CFAP61: variants seen among roughly 807,000 people sequenced by gnomAD.
CFAP61 encodes cilia- and flagella-associated protein 61.
In CFAP61, 107 loss-of-function variants were observed where a neutral mutation model predicts 135.6. The observed-to-expected ratio is 0.79, with a 90% CI of 0.67 to 0.93. The LOEUF (loss-of-function observed/expected upper bound fraction) is 0.93. Ranked by LOEUF, CFAP61 falls within the 40% of genes least tolerant of loss-of-function variation. The pLI, the probability that CFAP61 is intolerant of heterozygous loss-of-function variation, is 0.00. For missense variants in CFAP61, 1,507 were observed against 1,556.2 expected (o/e 0.97, Z 0.53); for synonymous variants, 575 against 578.5 (o/e 0.99, Z 0.09).
At chr20:20,192,476 G>A (rs1357506805) in intron 15 of CFAP61, among the ~76,000 whole-genome samples, 1 of 152,046 alleles carries the variant, frequency 6.6e-6, no homozygotes, top group Admixed American at 6.5e-5. Context: ...AGGTGCCTCA[G>A]CAGGCTGATT....
chr20:20,134,983 A>G (rs2050810585), intron 8 of CFAP61, among the ~76,000 whole-genome samples: 1 of 149,092 alleles, frequency 6.7e-6, no homozygotes, highest in African/African-American at 2.5e-5. Flanking sequence ...TTTTTTTTTG[A>G]AAGGTCTTTG....
At chr20:20,172,786 A>G (rs2054318435) in intron 13 of CFAP61, among the ~76,000 whole-genome samples, 1 of 152,164 alleles carries the variant, frequency 6.6e-6, no homozygotes, top group Admixed American at 6.5e-5. Flanking sequence ...CCACTGACAT[A>G]TCATTATCAC....
At position 20,251,670 on chromosome 20, in the gene CFAP61, C is replaced by T. The variant is rs370294355; in HGVS notation, c.2235C>T (p.Thr745=). 2.2e-5 allele frequency: 35 copies of T among 1,614,066 alleles called. No homozygotes were observed. The highest frequency in any genetic ancestry group is 6.7e-5 in the Admixed American group (4 of 60,000). ...TTAATGTCGTGGTGGGTAGAATGAC[C>T]GGCATAGACCGAGCAGCCAAGCACG... is the stretch of plus-strand genomic sequence containing the variant. The part of the protein sequence containing the change: ...SWVNVVVGRM[T]GIDRAAKHVV... The change falls in exon 20 of 27, where the codon ACC becomes ACT. Residue 745 remains threonine (T), a synonymous_variant. Coordinates refer to ENST00000245957, the MANE Select transcript of CFAP61 (RefSeq NM_015585.4).
rs1463714566 is a variant in CFAP61 at position 20,056,666 on chromosome 20, A to T, written c.13A>T (p.Thr5Ser). Residue 5 changes from threonine (T) to serine (S), a missense_variant, in exon 2 of 27, where the codon ACT becomes TCT. By Grantham distance (58) the Thr-to-Ser change is moderately conservative (BLOSUM62 1). Coordinates refer to ENST00000245957, the MANE Select transcript of CFAP61 (RefSeq NM_015585.4). ...GACAGGATAAAAAATGTCAGTACTC[A>T]CTTCTCCAAGAGGAAAGGTAGAAGT... MSVL[T>S]SPRGKVEVVH... The T allele has an allele frequency of 3.1e-6, 5 of 1,614,156 alleles. No homozygotes were observed. The highest frequency in any genetic ancestry group is 4.2e-6 in the Non-Finnish European group (5 of 1,180,004).
chr20:20,261,253 GA>G (rs1173972075), intron 20 of CFAP61, among the ~76,000 whole-genome samples: 1 of 152,214 alleles, frequency 6.6e-6, no homozygotes, highest in Non-Finnish European at 1.5e-5. Context: ...TTCTATTGAG[GA>G]AGTGTATAAC....
chr20:20,180,986 CAG>C (rs1347305359), intron 13 of CFAP61, among the ~76,000 whole-genome samples: 1 of 151,694 alleles, frequency 6.6e-6, no homozygotes, highest in Non-Finnish European at 1.5e-5. Context: ...AGGGGAAAAA[CAG>C]ACACTGGGGC....
chr20:20,323,322 G>T (rs2057609202), intron 25 of CFAP61: 1 of 985,122 alleles, frequency 1.0e-6, no homozygotes, highest in Non-Finnish European at 1.2e-6. Flanking sequence ...AAGAGAGTAA[G>T]AAATACAGAC....
chr20:20,099,586 G>T (rs1026554529), intron 8 of CFAP61, among the ~76,000 whole-genome samples: 1 of 152,078 alleles, frequency 6.6e-6, no homozygotes, highest in Non-Finnish European at 1.5e-5. Context: ...CACGGGGGGG[G>T]GGTTGTGAAG....
chr20:20,226,492 GC>G (rs1169673426), intron 17 of CFAP61, among the ~76,000 whole-genome samples: 1 of 152,202 alleles, frequency 6.6e-6, no homozygotes, highest in African/African-American at 2.4e-5. Context: ...TGGTTTCACA[GC>G]CCTATTGTGG....
At chr20:20,232,221 C>T (rs532061582) in intron 18 of CFAP61, among the ~76,000 whole-genome samples, 2 of 152,280 alleles carry the variant, frequency 1.3e-5, no homozygotes, top group African/African-American at 4.8e-5. Flanking sequence ...TCCACAAACC[C>T]TCTCAGGGTG....
At chr20:20,333,908 A>G (rs2058085811) in intron 25 of CFAP61, among the ~76,000 whole-genome samples, 1 of 152,034 alleles carries the variant, frequency 6.6e-6, no homozygotes, top group South Asian at 2.1e-4. Flanking sequence ...TCGTCAGGGG[A>G]GGTCGTGGGG....
At chr20:20,170,407 T>TA (rs11292483) in intron 13 of CFAP61, among the ~76,000 whole-genome samples, 1 of 151,998 alleles carries the variant, frequency 6.6e-6, no homozygotes, top group South Asian at 2.1e-4. Flanking sequence ...AATGAATCAA[T>TA]AAAAAAAATC....
intron 13 of CFAP61, among the ~76,000 whole-genome samples, chr20:20,180,398 C>T (rs1469802821): frequency 6.6e-6 from 1 of 151,500 alleles, no homozygotes; most frequent in African/African-American, 2.4e-5. Context: ...TACATGCAGC[C>T]AACAATCATA....
intron 17 of CFAP61, among the ~76,000 whole-genome samples, chr20:20,201,228 G>A (rs577111905): frequency 1.2e-4 from 18 of 152,170 alleles, no homozygotes; most frequent in Non-Finnish European, 2.1e-4. Flanking sequence ...TGCTTCTCTC[G>A]GTCTCTCTTA....
intron 8 of CFAP61, among the ~76,000 whole-genome samples, chr20:20,103,662 T>A (rs934291167): frequency 6.6e-6 from 1 of 152,250 alleles, no homozygotes; most frequent in Admixed American, 6.5e-5. Flanking sequence ...TGGCACTTTA[T>A]GAATATTTTC....
chr20:20,338,414 C>CT (rs113356201), intron 25 of CFAP61, among the ~76,000 whole-genome samples: 126 of 152,230 alleles, frequency 8.3e-4, no homozygotes, highest in African/African-American at 2.7e-3. Context: ...AAAGTAGACA[C>CT]TTTTTTTTCA....
chr20:20,193,674 T>C (rs1281146609), intron 15 of CFAP61, among the ~76,000 whole-genome samples: 3 of 152,256 alleles, frequency 2.0e-5, no homozygotes, highest in Non-Finnish European at 4.4e-5. Flanking sequence ...AGTTCAGTGA[T>C]GTGATCTTGG....
chr20:20,261,319 C>T (rs2052182023), intron 20 of CFAP61, among the ~76,000 whole-genome samples: 1 of 152,206 alleles, frequency 6.6e-6, no homozygotes, highest in Non-Finnish European at 1.5e-5. Context: ...TAAGCACCAG[C>T]CAGCATTTGC....
chr20:20,230,932 A>G (rs2049087150), intron 18 of CFAP61, among the ~76,000 whole-genome samples: 1 of 152,258 alleles, frequency 6.6e-6, no homozygotes, highest in Non-Finnish European at 1.5e-5. Flanking sequence ...CTCGAGGCTC[A>G]GGACAGTAAC....
Sources: allele counts gnomAD v4.1 joint callset (sites outside exome capture counted in the v4.1 genomes callset), GRCh38; gene constraint gnomAD v4.1.1; transcripts MANE v1.5; gene names NCBI Gene and HGNC (gene_info 2026-07-23, HGNC 2026-07-21).